Variants in SRBD1 observed in about 807,000 individuals in gnomAD.
SRBD1 encodes the protein S1 RNA binding domain 1, also known as S1 RNA-binding domain-containing protein 1.
A neutral mutation model predicts 115.3 loss-of-function variants in SRBD1; 88 were observed. The ratio of observed to expected loss-of-function variants is 0.76; its 90% CI spans 0.64 to 0.91. The LOEUF (loss-of-function observed/expected upper bound fraction) is 0.91. SRBD1 is among the 40% of genes least tolerant of loss of function. SRBD1 has a pLI of 0.00. For synonymous variants in SRBD1, 509 were observed against 407.7 expected, an observed-to-expected ratio of 1.25 and a Z score of -2.99; for missense variants, 1,385 against 1,177.4, an observed-to-expected ratio of 1.18 and a Z score of -2.58.
Position 45,400,566 on chromosome 2 carries a change from A to G in SRBD1, c.2514-7437T>C, listed in dbSNP as rs1667265390. ...ATGTCTCAAATTACATCCAGATCACATGAAAAAACAACTTTTTTTCTTGGG... is the reference window on the plus strand; with the variant it reads ...ATGTCTCAAATTACATCCAGATCACGTGAAAAAACAACTTTTTTTCTTGGG... On this transcript the variant is annotated intron_variant, in intron 19 of 20. Coordinates refer to ENST00000263736, the MANE Select transcript of SRBD1 (RefSeq NM_018079.5). Among the ~76,000 whole-genome samples, 7 of 152,192 alleles carry G rather than the reference A, an allele frequency of 4.6e-5. No homozygotes were observed. In the South Asian group the frequency reaches 1.5e-3, roughly 32 times the overall value.
At chr2:45,402,169 G>C (rs994416250) in intron 19 of SRBD1, among the ~76,000 whole-genome samples, 3 of 152,122 alleles carry the variant, frequency 2.0e-5, no homozygotes, top group African/African-American at 7.2e-5. Flanking sequence ...CAGGGCACCA[G>C]TTAGGAATCT....
intron 19 of SRBD1, among the ~76,000 whole-genome samples, chr2:45,395,885 C>T (rs1228508767): frequency 6.6e-6 from 1 of 152,126 alleles, no homozygotes; most frequent in African/African-American, 2.4e-5. Flanking sequence ...AATTTCACTT[C>T]AGAATTAAGT....
chr2:45,572,213 A>G (rs1366422750), intron 9 of SRBD1, among the ~76,000 whole-genome samples: 1 of 152,172 alleles, frequency 6.6e-6, no homozygotes, highest in Non-Finnish European at 1.5e-5. Flanking sequence ...ATACCATAAG[A>G]GTGGATGGTA....
At chr2:45,457,940 T>G (rs1669203078) in intron 16 of SRBD1, among the ~76,000 whole-genome samples, 1 of 152,092 alleles carries the variant, frequency 6.6e-6, no homozygotes, top group Non-Finnish European at 1.5e-5. Context: ...ATTTGACTTT[T>G]TACAAATTTT....
At chr2:45,422,274 C>T (rs1057049345) in intron 16 of SRBD1, among the ~76,000 whole-genome samples, 1 of 152,140 alleles carries the variant, frequency 6.6e-6, no homozygotes, top group Non-Finnish European at 1.5e-5. Flanking sequence ...CCTATCCTAA[C>T]CTCTAGTTGT....
intron 3 of SRBD1, 103 bp from the exon 4 acceptor site, chr2:45,599,938 T>C: frequency 5.4e-6 from 7 of 1,305,106 alleles, no homozygotes; most frequent in Non-Finnish European, 7.2e-6. Flanking sequence ...ATACACACAA[T>C]AACTTGGAAG....
intron 14 of SRBD1, among the ~76,000 whole-genome samples, chr2:45,528,554 A>G (rs991087745): frequency 6.6e-6 from 1 of 151,882 alleles, no homozygotes; most frequent in Non-Finnish European, 1.5e-5. Context: ...TTTGGTTGAA[A>G]CTGAGGTACC....
chr2:45,577,242 AG>A (rs1212364519), intron 7 of SRBD1, among the ~76,000 whole-genome samples: 1 of 152,260 alleles, frequency 6.6e-6, no homozygotes, highest in Non-Finnish European at 1.5e-5. Flanking sequence ...ATAATTTAAA[AG>A]GAAAGTCTTC....
At chr2:45,445,411 T>C (rs1459522609) in intron 16 of SRBD1, among the ~76,000 whole-genome samples, 4 of 147,664 alleles carry the variant, frequency 2.7e-5, no homozygotes, top group African/African-American at 7.3e-5. Flanking sequence ...TAATGAAATC[T>C]TGGGGGGAGT....
At chr2:45,434,541 T>C (rs890865859) in intron 16 of SRBD1, among the ~76,000 whole-genome samples, 3 of 152,208 alleles carry the variant, frequency 2.0e-5, no homozygotes, top group Admixed American at 1.3e-4. Context: ...TAAAAACAGA[T>C]AATAATTTCA....
chr2:45,494,021 CA>C (rs1475666167), intron 14 of SRBD1, among the ~76,000 whole-genome samples: 1 of 151,686 alleles, frequency 6.6e-6, no homozygotes, highest in Non-Finnish European at 1.5e-5. Flanking sequence ...TGTAAAAATT[CA>C]AAAAAATTAA....
At chr2:45,430,934 A>G (rs1335422381) in intron 16 of SRBD1, among the ~76,000 whole-genome samples, 1 of 152,150 alleles carries the variant, frequency 6.6e-6, no homozygotes, top group Non-Finnish European at 1.5e-5. Context: ...CAACGAACTT[A>G]AACAAATTTA....
Position 45,605,238 on chromosome 2 carries a change from A to G in SRBD1, c.80+124T>C, listed in dbSNP as rs117690177. 959 of 741,754 alleles carry G rather than the reference A, an allele frequency of 1.3e-3. 15 individuals are homozygous for G. In the East Asian group the frequency reaches 0.019, roughly 15 times the overall value. 45.9% of individuals were successfully genotyped at this position (741,754 alleles called of 1,614,324 possible). ...CATGAGTTCAACAAATACTTGTTGC[A>G]TGAATGAATAAAAAAAGTTTTTTCT... On this transcript the variant is annotated intron_variant, in intron 2 of 20. Transcript: ENST00000263736.
intron 19 of SRBD1, among the ~76,000 whole-genome samples, chr2:45,395,506 C>G (rs1667119468): frequency 6.6e-6 from 1 of 152,176 alleles, no homozygotes; most frequent in Non-Finnish European, 1.5e-5. Flanking sequence ...TTTCATATAT[C>G]ATTTTCATTC....
intron 16 of SRBD1, among the ~76,000 whole-genome samples, chr2:45,441,546 T>A (rs1378087214): frequency 6.6e-6 from 1 of 152,238 alleles, no homozygotes; most frequent in Non-Finnish European, 1.5e-5. Flanking sequence ...TGCTGGCCAT[T>A]TAGACTTTTC....
At chr2:45,391,509 T>C (rs1667000478) in intron 20 of SRBD1, among the ~76,000 whole-genome samples, 1 of 152,186 alleles carries the variant, frequency 6.6e-6, no homozygotes, top group Non-Finnish European at 1.5e-5. Flanking sequence ...GAAAGTATAG[T>C]TTGTAAGCCT....
At chr2:45,500,183 T>C (rs1479407282) in intron 14 of SRBD1, among the ~76,000 whole-genome samples, 1 of 152,054 alleles carries the variant, frequency 6.6e-6, no homozygotes, top group African/African-American at 2.4e-5. Context: ...CAGTATTTTA[T>C]AGTTTTCTTT....
chr2:45,538,486 G>T (rs536034771), intron 14 of SRBD1, among the ~76,000 whole-genome samples: 44 of 152,338 alleles, frequency 2.9e-4, no homozygotes, highest in Middle Eastern at 3.4e-3. Context: ...CTTCCAGAGT[G>T]AAAGAGGCCT....
intron 16 of SRBD1, among the ~76,000 whole-genome samples, chr2:45,469,146 C>T (rs567144715): frequency 2.0e-5 from 3 of 152,198 alleles, no homozygotes; most frequent in South Asian, 4.1e-4. Flanking sequence ...TACCTTCTCC[C>T]TGTCTATGGA....
Sources: gnomAD v4.1 joint callset for allele counts (sites outside exome capture counted in the v4.1 genomes callset) on GRCh38, gnomAD v4.1.1 for gene constraint, MANE v1.5 for transcripts, NCBI Gene and HGNC (gene_info 2026-07-23, HGNC 2026-07-21) for gene names.